SVIL: variants seen among roughly 807,000 people sequenced by gnomAD.
SVIL encodes the protein supervillin, also known as archvillin.
In SVIL, 101 loss-of-function variants were observed where a neutral mutation model predicts 240.4. That is an observed-to-expected ratio of 0.42 (90% CI 0.36 to 0.50). The LOEUF (loss-of-function observed/expected upper bound fraction) is 0.50, where lower values mean the gene tolerates loss of function less well. Among genes scored for constraint, SVIL ranks in the 20% least tolerant of loss-of-function variants. The pLI is 0.01. For missense variants in SVIL, 2,512 were observed against 2,818.7 expected (o/e 0.89, Z 2.46); for synonymous variants, 999 against 1,100.0 (o/e 0.91, Z 1.82).
chr10:29,728,608 G>C (rs187863264), intron 1 of SVIL, among the ~76,000 whole-genome samples: 52 of 152,212 alleles, frequency 3.4e-4, no homozygotes, highest in Non-Finnish European at 7.1e-4. Context: ...CTGTCAAAAA[G>C]GGGGAGGAAG....
chr10:29,712,357 T>C (rs1046581823), intron 1 of SVIL, among the ~76,000 whole-genome samples: 3 of 152,204 alleles, frequency 2.0e-5, no homozygotes, highest in Non-Finnish European at 4.4e-5. Context: ...TTTTGCTCTA[T>C]TAGTTCCCAG....
chr10:29,608,783 G>A (rs1211035746), intron 1 of SVIL, among the ~76,000 whole-genome samples: 1 of 152,226 alleles, frequency 6.6e-6, no homozygotes, highest in Non-Finnish European at 1.5e-5. Context: ...GCATGTTGAT[G>A]GCAGTGGGAG....
intron 2 of SVIL, among the ~76,000 whole-genome samples, chr10:29,683,492 C>T (rs1347359092): frequency 1.3e-5 from 2 of 152,170 alleles, no homozygotes; most frequent in African/African-American, 2.4e-5. Context: ...ATGTCTGATT[C>T]GCCCTTCCCA....
At chr10:29,472,341 T>C (rs1343844513) in intron 30 of SVIL, among the ~76,000 whole-genome samples, 1 of 152,194 alleles carries the variant, frequency 6.6e-6, no homozygotes, top group Non-Finnish European at 1.5e-5. Context: ...ATATAGTCCA[T>C]AGTAGAAAAT....
At chr10:29,630,079 T>G (rs1207006640) in intron 1 of SVIL, among the ~76,000 whole-genome samples, 1 of 152,156 alleles carries the variant, frequency 6.6e-6, no homozygotes, top group East Asian at 1.9e-4. Context: ...TGTTCATCCC[T>G]TCTACTCTGA....
At chr10:29,555,684 T>A (rs975652256) in intron 3 of SVIL, among the ~76,000 whole-genome samples, 8 of 152,206 alleles carry the variant, frequency 5.3e-5, no homozygotes, top group Non-Finnish European at 1.0e-4. Flanking sequence ...TAGGAAAGTA[T>A]TTTAGGCAGA....
chr10:29,646,859 C>G (rs1316519053), intron 3 of SVIL, among the ~76,000 whole-genome samples: 1 of 152,102 alleles, frequency 6.6e-6, no homozygotes, highest in Non-Finnish European at 1.5e-5. Flanking sequence ...GTAGCAATGC[C>G]GTATTCTCAG....
intron 6 of SVIL, among the ~76,000 whole-genome samples, chr10:29,536,693 T>C (rs545759973): frequency 3.3e-5 from 5 of 152,166 alleles, no homozygotes; most frequent in Admixed American, 3.3e-4. Flanking sequence ...GTGGATCACC[T>C]GAGGTTAGGA....
rs1949546452 is a variant in SVIL at position 29,508,538 on chromosome 10, C to T, written c.3516+4197G>A. The T allele has an allele frequency of 7.0e-5, 34 of 486,316 alleles. 1 individual carries two copies. The highest frequency in any genetic ancestry group is 5.9e-4 in the South Asian group (34 of 57,384). 30.1% of individuals were successfully genotyped at this position (486,316 alleles called of 1,614,324 possible). On this transcript the variant is annotated intron_variant, in intron 17 of 37. Transcript: ENST00000355867. ...CAATAGGGTGATGTGAACCTCAGGC[C>T]AACTCATTCCGTGACCGCAGAATGA...
intron 3 of SVIL, among the ~76,000 whole-genome samples, chr10:29,657,480 G>A (rs1959040917): frequency 6.6e-6 from 1 of 152,176 alleles, no homozygotes; most frequent in African/African-American, 2.4e-5. Flanking sequence ...TGTATTAGTG[G>A]TGTAGGGAGC....
At chr10:29,500,361 C>A (rs951335109) in intron 17 of SVIL, among the ~76,000 whole-genome samples, 5 of 152,088 alleles carry the variant, frequency 3.3e-5, no homozygotes, top group Non-Finnish European at 7.4e-5. Context: ...GGGAGAAGCA[C>A]AGGAGGTGTG....
At chr10:29,711,483 A>G (rs1589559735) in intron 1 of SVIL, among the ~76,000 whole-genome samples, 1 of 150,756 alleles carries the variant, frequency 6.6e-6, no homozygotes, top group Non-Finnish European at 1.5e-5. Context: ...ATGACTGGAC[A>G]GGTGACACTA....
chr10:29,594,466 C>G (rs929887654), intron 1 of SVIL, among the ~76,000 whole-genome samples: 3 of 151,980 alleles, frequency 2.0e-5, no homozygotes, highest in Non-Finnish European at 2.9e-5. Flanking sequence ...AGCGTATGTA[C>G]CACTCTAGTG....
At chr10:29,537,682 A>G (rs1951838942) in intron 6 of SVIL, among the ~76,000 whole-genome samples, 1 of 152,260 alleles carries the variant, frequency 6.6e-6, no homozygotes, top group Admixed American at 6.5e-5. Flanking sequence ...CTAAAAGAAA[A>G]TAAAAGTTAT....
intron 2 of SVIL, among the ~76,000 whole-genome samples, chr10:29,675,024 C>T (rs565085363): frequency 1.5e-4 from 23 of 152,298 alleles, no homozygotes; most frequent in African/African-American, 5.3e-4. Flanking sequence ...ACCTTAATTC[C>T]CAACTGCCAT....
chr10:29,587,525 T>A (rs1366984589), intron 1 of SVIL, among the ~76,000 whole-genome samples: 1 of 152,186 alleles, frequency 6.6e-6, no homozygotes, highest in Admixed American at 6.5e-5. Context: ...TGGGACTCCA[T>A]TTACATAATA....
At chr10:29,695,782 GCTCCCGTCTCCCTCTCCCT>G (rs1564770748) in intron 1 of SVIL, among the ~76,000 whole-genome samples, 5 of 149,596 alleles carry the variant, frequency 3.3e-5, no homozygotes, top group East Asian at 2.0e-4. Context: ...TGTACAAACA[GCTCCCGTCTCCCTCTCCCT>G]CTCCCGTCTC....
chr10:29,690,306 A>G (rs1961403050), intron 1 of SVIL, among the ~76,000 whole-genome samples: 2 of 152,186 alleles, frequency 1.3e-5, no homozygotes, highest in Admixed American at 6.5e-5. Context: ...CATAGTTTTC[A>G]GTTAATTTTT....
At chr10:29,541,629 G>A (rs1952165684) in intron 6 of SVIL, among the ~76,000 whole-genome samples, 1 of 152,180 alleles carries the variant, frequency 6.6e-6, no homozygotes, top group Non-Finnish European at 1.5e-5. Flanking sequence ...AGGAGGGAGG[G>A]AGGAGGTATG....
Sources: gnomAD v4.1 joint callset for allele counts (sites outside exome capture counted in the v4.1 genomes callset) on GRCh38, gnomAD v4.1.1 for gene constraint, MANE v1.5 for transcripts, NCBI Gene and HGNC (gene_info 2026-07-23, HGNC 2026-07-21) for gene names.